INSYN2A: variants seen among roughly 807,000 people sequenced by gnomAD.
INSYN2A encodes the protein family with sequence similarity 196 member A.
In INSYN2A, 17 loss-of-function variants were observed where a neutral mutation model predicts 39.4. The observed-to-expected ratio is 0.43, with a 90% CI of 0.30 to 0.65. INSYN2A has a LOEUF of 0.65. INSYN2A is among the 30% of genes least tolerant of loss of function. The pLI is 0.14. For missense variants in INSYN2A, 595 were observed against 631.2 expected, an observed-to-expected ratio of 0.94 and a Z score of 0.61; for synonymous variants, 255 against 265.7, an observed-to-expected ratio of 0.96 and a Z score of 0.39.
Position 127,176,323 on chromosome 10 carries a change from C to A in INSYN2A, c.73G>T (p.Ala25Ser), listed in dbSNP as rs76646118. Residue 25 changes from alanine to serine, a missense_variant, in exon 4 of 6, where the codon GCC (alanine) becomes TCC (serine). Coordinates refer to ENST00000522781, the MANE Select transcript of INSYN2A (RefSeq NM_001039762.3). This position sits in a 1 kb window ranked among gnomAD's most constrained non-coding sequence, Gnocchi z 4.4. The stretch of plus-strand genomic sequence containing the variant: ...TCCAGGGCGTATTTCATCTCCAGGG[C>A]CAGGCAGGCGGCGGGTTCCACTTCA... ...ESEVEPAACL[A>S]LEMKYALDPN... The A allele has an allele frequency of 2.2e-4, 354 of 1,613,996 alleles. No individual in the cohort carries two copies. The highest frequency in any genetic ancestry group is 2.8e-4 in the Non-Finnish European group (330 of 1,179,998).
At chr10:127,146,171 A>G (rs892014777) in intron 5 of INSYN2A, 5 of 371,510 alleles carry the variant, frequency 1.3e-5, no homozygotes, top group East Asian at 1.6e-4. Context: ...TGTTTTGGAC[A>G]TTGGTAAATG....
At chr10:127,140,779 C>G (rs1308629830) in intron 5 of INSYN2A, among the ~76,000 whole-genome samples, 1 of 152,172 alleles carries the variant, frequency 6.6e-6, no homozygotes, top group Non-Finnish European at 1.5e-5. Context: ...GTCTTAATAG[C>G]TAAATGGATC....
rs1303896508 is a variant in INSYN2A, at chr10:127,137,209, T to C, written c.*628A>G. ...TCTGGAGATGAAGAGGATGCTAAAT[T>C]TGAGGTGTCGTTGTGACACTGAGAT... is the stretch of plus-strand genomic sequence containing the variant. On this transcript the variant is annotated 3_prime_UTR_variant, in exon 6 of 6. Transcript: ENST00000522781. The C allele has an allele frequency of 1.3e-5, 2 of 152,606 alleles. No individual in the cohort carries two copies. The highest frequency in any genetic ancestry group is 2.9e-5 in the Non-Finnish European group (2 of 68,056). 9.5% of individuals were successfully genotyped at this position (152,606 alleles called of 1,614,324 possible).
At chr10:127,159,786 A>G (rs11016538) in intron 4 of INSYN2A, among the ~76,000 whole-genome samples, 48,585 of 151,972 alleles carry the variant, frequency 0.32, 8,232 homozygotes, top group African/African-American at 0.42. Context: ...TTTTTGTGAC[A>G]CCACTGCAGG....
At chr10:127,174,966 T>C (rs2054942435) in intron 4 of INSYN2A, among the ~76,000 whole-genome samples, 5 of 152,160 alleles carry the variant, frequency 3.3e-5, no homozygotes, top group African/African-American at 7.2e-5. Flanking sequence ...ATTCTAAGCA[T>C]AGGTATGGTT....
Position 127,175,910 on chromosome 10 carries a change from A to G in INSYN2A, c.486T>C (p.Cys162=), listed in dbSNP as rs1487229545. 6 of 1,614,052 alleles carry G rather than the reference A, an allele frequency of 3.7e-6. No homozygotes were observed. The highest frequency in any genetic ancestry group is 5.1e-6 in the Non-Finnish European group (6 of 1,180,040). Residue 162 remains cysteine, a synonymous_variant, in exon 4 of 6, where the codon TGT becomes TGC. Coordinates refer to ENST00000522781, the MANE Select transcript of INSYN2A (RefSeq NM_001039762.3). This position sits in a 1 kb window ranked among gnomAD's most constrained non-coding sequence, Gnocchi z 6.3. ...TGGTCTTGTGCACCCGCCCCGCGCC[A>G]CATGGCCGGGCCTCCTCCATGGGTC... The part of the protein sequence containing the change: ...EAGPMEEARP[C]GAGRVHKTTA...
chr10:127,162,982 A>T (rs894391278), intron 4 of INSYN2A, among the ~76,000 whole-genome samples: 1 of 152,122 alleles, frequency 6.6e-6, no homozygotes. Context: ...CTTCCATGGG[A>T]CTGTTCTAAC....
intron 5 of INSYN2A, among the ~76,000 whole-genome samples, chr10:127,149,022 AG>A (rs2052203194): frequency 6.6e-6 from 1 of 152,198 alleles, no homozygotes; most frequent in Admixed American, 6.5e-5. Context: ...CCTCTGCCGA[AG>A]AAGTGTTACT....
In INSYN2A at chr10:127,177,028, C is replaced by A. The variant is rs2055226086; in HGVS notation, c.-157G>T. On this transcript the variant is annotated 5_prime_UTR_variant, in exon 3 of 6. Transcript: ENST00000522781. ...GAAGGAGAAGTCGTCGAGGGGTGGT[C>A]GCTTCTCATGGGTTAACATCAGCTC... 6.6e-6 allele frequency: 1 copy of A among 151,986 alleles called. No homozygotes were observed. The highest frequency in any genetic ancestry group is 2.4e-5 in the African/African-American group (1 of 41,344). 9.4% of individuals were successfully genotyped at this position (151,986 alleles called of 1,614,324 possible). A position where few individuals can be genotyped will look rare whatever the true frequency, so the allele number is the denominator to read the frequency against.
intron 1 of INSYN2A, among the ~76,000 whole-genome samples, chr10:127,194,938 C>A (rs1234182748): frequency 1.3e-5 from 2 of 152,190 alleles, no homozygotes; most frequent in African/African-American, 4.8e-5. Context: ...GGGCCCAGAG[C>A]GCGTGCAGCT....
At chr10:127,151,102 A>T (rs190680261) in intron 5 of INSYN2A, among the ~76,000 whole-genome samples, 8 of 152,282 alleles carry the variant, frequency 5.3e-5, no homozygotes, top group Admixed American at 5.2e-4. Context: ...TCCCTTTATC[A>T]TCTCTTCCTG....
At chr10:127,159,630 ATATT>A (rs1402323828) in intron 4 of INSYN2A, among the ~76,000 whole-genome samples, 2 of 152,146 alleles carry the variant, frequency 1.3e-5, no homozygotes, top group African/African-American at 4.8e-5. Context: ...GCACCTTTGT[ATATT>A]TATTTTAAAA....
At chr10:127,156,446 A>G (rs2053053535) in intron 4 of INSYN2A, among the ~76,000 whole-genome samples, 1 of 152,312 alleles carries the variant, frequency 6.6e-6, no homozygotes, top group East Asian at 1.9e-4. Flanking sequence ...GAAATGTACA[A>G]GAGGAATCTT....
At chr10:127,158,556 G>A (rs2489389) in intron 4 of INSYN2A, among the ~76,000 whole-genome samples, 7,006 of 152,204 alleles carry the variant, frequency 0.046, 219 homozygotes, top group Non-Finnish European at 0.074. Context: ...CCTTCTGGGC[G>A]TTCAGTTAAT....
chr10:127,160,279 T>C (rs2053482983), intron 4 of INSYN2A, among the ~76,000 whole-genome samples: 1 of 152,230 alleles, frequency 6.6e-6, no homozygotes, highest in African/African-American at 2.4e-5. Context: ...TATTGGGTTA[T>C]TGGATTGATG....
chr10:127,192,917 C>T (rs1163283548), intron 1 of INSYN2A, among the ~76,000 whole-genome samples, 187 bp from the exon 2 acceptor site: 1 of 152,234 alleles, frequency 6.6e-6, no homozygotes, highest in East Asian at 1.9e-4. Flanking sequence ...TTTAAATAAA[C>T]TGATTAAAAG....
chr10:127,195,504 G>A lies in INSYN2A; in HGVS notation c.-395+493C>T, dbSNP rs544724551. Among the ~76,000 whole-genome samples, 3 of 151,920 alleles carry A rather than the reference G, an allele frequency of 2.0e-5. No individual in the cohort carries two copies. In the East Asian group the frequency reaches 5.8e-4, roughly 29 times the overall value. On this transcript the variant is annotated intron_variant, in intron 1 of 5. Coordinates refer to ENST00000522781, the MANE Select transcript of INSYN2A (RefSeq NM_001039762.3). ...CCTCTCCTCAACGGCCGGCGTCAGG[G>A]CCCCTCTGTTCCAACTCATCCCCCC...
chr10:127,150,416 T>A (rs1196137806), intron 5 of INSYN2A, among the ~76,000 whole-genome samples: 1 of 152,138 alleles, frequency 6.6e-6, no homozygotes, highest in Non-Finnish European at 1.5e-5. Context: ...CAGGGCAGAA[T>A]CACACAGACC....
chr10:127,144,683 T>C (rs1024707186), intron 5 of INSYN2A, among the ~76,000 whole-genome samples: 7 of 152,244 alleles, frequency 4.6e-5, no homozygotes, highest in Non-Finnish European at 7.3e-5. Flanking sequence ...ACATTAAATA[T>C]ATATGGATCT....
Sources: gnomAD v4.1 joint callset for allele counts (sites outside exome capture counted in the v4.1 genomes callset) on GRCh38, gnomAD v4.1.1 for gene constraint, Gnocchi (gnomAD v3.1) non-coding constraint, MANE v1.5 for transcripts, NCBI Gene and HGNC (gene_info 2026-07-23, HGNC 2026-07-21) for gene names.